Variants in P2RY8 observed in about 807,000 individuals in gnomAD.
P2RY8 encodes the protein P2Y receptor family member 8.
Under a neutral mutation model 10.0 loss-of-function variants are expected in P2RY8, and 6 were observed. The observed-to-expected ratio is 0.60, with a 90% CI of 0.33 to 1.19. The LOEUF (loss-of-function observed/expected upper bound fraction) is 1.19. P2RY8 is among the 50% of genes most tolerant of loss of function. The probability of loss-of-function intolerance (pLI) is 0.04; values close to 1 mark genes in which losing one functional copy is unlikely to be tolerated. For synonymous variants in P2RY8, 276 were observed against 252.5 expected (o/e 1.09, Z -0.88); for missense variants, 456 against 542.0 (o/e 0.84, Z 1.58).
rs1322927961 is a variant in P2RY8 at position 1,466,707 on chromosome X, G to T, written c.-24-125C>A. 1.5e-5 allele frequency: 11 copies of T among 756,088 alleles called. No homozygotes were observed. In the East Asian group the frequency reaches 3.0e-4, roughly 21 times the overall value. 46.8% of individuals were successfully genotyped at this position (756,088 alleles called of 1,614,324 possible). ...GGGAGATGCTTTAGCAGGGCCTGCT[G>T]TCTCCTCCCTCCCTCCCTCCCTTAG... On this transcript the variant is annotated intron_variant, in intron 1 of 1. Coordinates refer to ENST00000381297, the MANE Select transcript of P2RY8 (RefSeq NM_178129.5).
intron 1 of P2RY8, among the ~76,000 whole-genome samples, chrX:1,475,683 G>T (rs2091866091): frequency 6.6e-6 from 1 of 152,066 alleles, no homozygotes; most frequent in Admixed American, 6.6e-5. Context: ...AAGATTATAG[G>T]ATAAGAGAAA....
chrX:1,515,949 G>GT (rs760877581), intron 1 of P2RY8, among the ~76,000 whole-genome samples: 14,215 of 114,284 alleles, frequency 0.12, 1,681 homozygotes, highest in Middle Eastern at 0.2. Flanking sequence ...CGAGGGGTCG[G>GT]GGGGTGGTGG....
intron 1 of P2RY8, among the ~76,000 whole-genome samples, chrX:1,530,236 G>GTATC (rs1461836436): frequency 6.9e-6 from 1 of 145,296 alleles, no homozygotes; most frequent in Admixed American, 6.9e-5. Context: ...ATCTATGTAT[G>GTATC]TATCTATCTA....
At chrX:1,479,366 C>A (rs189778561) in intron 1 of P2RY8, among the ~76,000 whole-genome samples, 3 of 152,248 alleles carry the variant, frequency 2.0e-5, no homozygotes, top group Non-Finnish European at 2.9e-5. Flanking sequence ...AGCCTGTGTG[C>A]TTACACACAC....
At position 1,478,431 on chromosome X, in the gene P2RY8, T is replaced by G. The variant is rs558703806; in HGVS notation, c.-24-11849A>C. On this transcript the variant is annotated intron_variant, in intron 1 of 1. Coordinates refer to ENST00000381297, the MANE Select transcript of P2RY8 (RefSeq NM_178129.5). ...TGGGAGGGAGGAAGTAGGAAGAGAG[T>G]TGGTGGTTTTCAATATGGGAAGCTG... Among the ~76,000 whole-genome samples, 12 of 151,286 alleles carry G rather than the reference T, an allele frequency of 7.9e-5. 1 individual carries two copies. The South Asian group carries it at 2.5e-3, about 32-fold the overall frequency.
chrX:1,503,921 C>G (rs1462257198), intron 1 of P2RY8, among the ~76,000 whole-genome samples: 3 of 151,932 alleles, frequency 2.0e-5, no homozygotes, highest in African/African-American at 7.3e-5. Flanking sequence ...CCAAACACAG[C>G]TGCTTTGTCG....
At position 1,464,324 on chromosome X, in the gene P2RY8, C is replaced by G. The variant is rs1285816303; in HGVS notation, c.*1155G>C. On this transcript the variant is annotated 3_prime_UTR_variant, in exon 2 of 2. Transcript: ENST00000381297. ...CAGGCACATGCCGTGTAGAAGAAGA[C>G]AGACAAAGACCCAGCCTGCTCACCA... is the stretch of plus-strand genomic sequence containing the variant. 8.6e-6 allele frequency: 2 copies of G among 233,386 alleles called. No homozygotes were observed. The highest frequency in any genetic ancestry group is 1.7e-5 in the Non-Finnish European group (2 of 118,242). The allele number at this position is 233,386 out of a possible 1,614,324, so 14.5% of individuals were successfully genotyped here. A position where few individuals can be genotyped will look rare whatever the true frequency, so the allele number is the denominator to read the frequency against.
intron 1 of P2RY8, among the ~76,000 whole-genome samples, chrX:1,501,738 C>T (rs1442763024): frequency 2.6e-5 from 4 of 151,770 alleles, no homozygotes; most frequent in African/African-American, 4.8e-5. Context: ...GGATTACAGG[C>T]GCGCACCACC....
At chrX:1,527,978 T>A (rs2092450048) in intron 1 of P2RY8, among the ~76,000 whole-genome samples, 1 of 152,200 alleles carries the variant, frequency 6.6e-6, no homozygotes, top group South Asian at 2.1e-4. Flanking sequence ...ACTGAAGGGG[T>A]ATCTCCTGTT....
chrX:1,501,285 C>T (rs1455467411), intron 1 of P2RY8, among the ~76,000 whole-genome samples: 1 of 152,194 alleles, frequency 6.6e-6, no homozygotes, highest in Non-Finnish European at 1.5e-5. Flanking sequence ...CTCTGTGCAT[C>T]CCTGTGACGG....
intron 1 of P2RY8, among the ~76,000 whole-genome samples, chrX:1,510,503 C>T (rs749037441): frequency 6.6e-6 from 1 of 152,282 alleles, no homozygotes; most frequent in East Asian, 1.9e-4. Context: ...CAGCCACTTT[C>T]TCCTGGTAAG....
At chrX:1,524,175 G>A (rs766021139) in intron 1 of P2RY8, among the ~76,000 whole-genome samples, 3 of 152,184 alleles carry the variant, frequency 2.0e-5, no homozygotes, top group African/African-American at 7.2e-5. Context: ...TTGTACTCAG[G>A]GTTGTTTCAA....
At chrX:1,475,540 G>A (rs1216804031) in intron 1 of P2RY8, among the ~76,000 whole-genome samples, 1 of 151,928 alleles carries the variant, frequency 6.6e-6, no homozygotes, top group African/African-American at 2.4e-5. Flanking sequence ...TATGGCAGCT[G>A]TCGCAAACCA....
chrX:1,518,529 A>G (rs758183437), intron 1 of P2RY8, among the ~76,000 whole-genome samples: 1 of 151,404 alleles, frequency 6.6e-6, no homozygotes, highest in African/African-American at 2.4e-5. Context: ...ATTCCCCAAA[A>G]GCTCCCTAGT....
At chrX:1,528,794 G>A in intron 1 of P2RY8, among the ~76,000 whole-genome samples, 1 of 152,124 alleles carries the variant, frequency 6.6e-6, no homozygotes, top group Non-Finnish European at 1.5e-5. Context: ...ATGGATTTGA[G>A]TCTCTTTGAT....
intron 1 of P2RY8, among the ~76,000 whole-genome samples, chrX:1,492,448 T>G (rs1345175970): frequency 6.6e-6 from 1 of 152,192 alleles, no homozygotes; most frequent in Admixed American, 6.5e-5. Flanking sequence ...CCAGAGACCC[T>G]CTTTCCATCC....
At chrX:1,530,868 T>TTCTATCTA (rs752516327) in intron 1 of P2RY8, among the ~76,000 whole-genome samples, 10,672 of 151,782 alleles carry the variant, frequency 0.07, 515 homozygotes, top group Non-Finnish European at 0.1. Context: ...GTATTGTCTA[T>TTCTATCTA]TCTATCTCTC....
At position 1,515,606 on chromosome X, in the gene P2RY8, C is replaced by T. The variant is rs1458086288; in HGVS notation, c.-25+21315G>A. Among the ~76,000 whole-genome samples the T allele has an allele frequency of 1.3e-3, 193 of 148,746 alleles. 1 individual carries two copies. Among genetic ancestry groups the T allele is most frequent in the Non-Finnish European group, 9.6e-4 (64 of 66,830 alleles). ...GGCTGGTCTCGAACTCCTGACCTCACGTGATCCACCCGCCTCGGCCTCCCA... is the reference window on the plus strand; with the variant it reads ...GGCTGGTCTCGAACTCCTGACCTCATGTGATCCACCCGCCTCGGCCTCCCA... On this transcript the variant is annotated intron_variant, in intron 1 of 1. Transcript: ENST00000381297.
At chrX:1,530,937 T>C (rs1249126033) in intron 1 of P2RY8, among the ~76,000 whole-genome samples, 1 of 151,928 alleles carries the variant, frequency 6.6e-6, no homozygotes, top group Non-Finnish European at 1.5e-5. Context: ...CATGTATCTA[T>C]GTATCTATCT....
Sources: allele counts gnomAD v4.1 joint callset (sites outside exome capture counted in the v4.1 genomes callset), GRCh38; gene constraint gnomAD v4.1.1; transcripts MANE v1.5; gene names NCBI Gene and HGNC (gene_info 2026-07-23, HGNC 2026-07-21).